The following ASMTL variants were observed in gnomAD, a reference collection of about 807,000 sequenced individuals.
The protein encoded by ASMTL is acetylserotonin O-methyltransferase like.
Under a neutral mutation model 60.3 loss-of-function variants are expected in ASMTL, and 57 were observed. The ratio of observed to expected loss-of-function variants is 0.95; its 90% confidence interval spans 0.76 to 1.18. ASMTL has a LOEUF of 1.18. Among genes scored for constraint, ASMTL ranks in the 50% most tolerant of loss-of-function variants. ASMTL has a pLI of 0.00. For synonymous variants in ASMTL, 419 were observed against 373.0 expected (o/e 1.12, Z -1.42); for missense variants, 981 against 852.6 (o/e 1.15, Z -1.88).
chrX:1,437,837 C>G (rs1256353496), intron 3 of ASMTL, among the ~76,000 whole-genome samples: 1 of 148,714 alleles, frequency 6.7e-6, no homozygotes, highest in Non-Finnish European at 1.5e-5. Flanking sequence ...GCGGAGGTTG[C>G]AATGAGCTGA....
Position 1,422,671 on chromosome X carries a change from C to G in ASMTL, c.1061-829G>C, listed in dbSNP as rs763199911. 8.1e-4 allele frequency among the ~76,000 whole-genome samples: 124 copies of G among 152,176 alleles called. 1 individual carries two copies. The highest frequency in any genetic ancestry group is 2.8e-3 in the African/African-American group (117 of 41,520). On this transcript the variant is annotated intron_variant, in intron 8 of 12. Coordinates refer to ENST00000381317, the MANE Select transcript of ASMTL (RefSeq NM_004192.4). ...ATGGCCTCGCACCACTCCGGTCCTC[C>G]TATGTAAGAAACAGCCCTGTGTTCA... is the stretch of plus-strand genomic sequence containing the variant.
chrX:1,438,817 G>A (rs1451785549), intron 3 of ASMTL, among the ~76,000 whole-genome samples: 1 of 151,764 alleles, frequency 6.6e-6, no homozygotes, highest in Non-Finnish European at 1.5e-5. Context: ...AGTAGAGATG[G>A]GGTTTTACCG....
chrX:1,445,588 T>C (rs1407505066), intron 1 of ASMTL, among the ~76,000 whole-genome samples: 1 of 152,098 alleles, frequency 6.6e-6, no homozygotes, highest in East Asian at 1.9e-4. Context: ...ACCCTCCCTA[T>C]GTCAAGTTGC....
At chrX:1,453,352 C>T, upstream of ASMTL, among the ~76,000 whole-genome samples, 1 of 151,768 alleles carries the variant, frequency 6.6e-6, no homozygotes, top group South Asian at 2.1e-4. Context: ...CGCCCGCCTC[C>T]CCCCCGGGCA....
chrX:1,434,153 C>T (rs1175294840), intron 5 of ASMTL, among the ~76,000 whole-genome samples: 2 of 152,100 alleles, frequency 1.3e-5, no homozygotes, highest in African/African-American at 4.8e-5. Flanking sequence ...GCAGGAAGAA[C>T]CCAGCAATAT....
chrX:1,446,005 T>C (rs1201407836), intron 1 of ASMTL, among the ~76,000 whole-genome samples: 1 of 152,120 alleles, frequency 6.6e-6, no homozygotes, highest in Non-Finnish European at 1.5e-5. Context: ...CCCGCAGTTA[T>C]CCGGAGGCCT....
intron 1 of ASMTL, among the ~76,000 whole-genome samples, chrX:1,444,746 G>A (rs2091198041): frequency 6.6e-6 from 1 of 152,060 alleles, no homozygotes; most frequent in African/African-American, 2.4e-5. Flanking sequence ...GCTGTGGGCA[G>A]CAGCAGCTCA....
intron 1 of ASMTL, among the ~76,000 whole-genome samples, chrX:1,450,056 CTT>C (rs386823205): frequency 1.2e-3 from 179 of 150,596 alleles, no homozygotes; most frequent in Non-Finnish European, 2.1e-3. Context: ...AGTAACTATC[CTT>C]CCATCACCAG....
intron 11 of ASMTL, among the ~76,000 whole-genome samples, chrX:1,415,033 C>A (rs1405202485): frequency 6.9e-6 from 1 of 145,832 alleles, no homozygotes; most frequent in Admixed American, 7.1e-5. Flanking sequence ...CTCCGCCTCC[C>A]GGGTTCAAGC....
intron 5 of ASMTL, among the ~76,000 whole-genome samples, chrX:1,433,150 GAC>G (rs1320711684): frequency 6.6e-5 from 10 of 151,994 alleles, no homozygotes; most frequent in African/African-American, 2.4e-4. Context: ...TCAGGGTCCG[GAC>G]ACAGAGCCCC....
intron 1 of ASMTL, 116 bp downstream of exon 1, chrX:1,452,632 C>G: frequency 1.2e-6 from 1 of 835,398 alleles, no homozygotes; most frequent in Non-Finnish European, 1.8e-6. Context: ...TCCCCCATCC[C>G]TAAGGGTCTC....
intron 12 of ASMTL, among the ~76,000 whole-genome samples, chrX:1,405,762 T>A (rs1250535571): frequency 3.5e-5 from 5 of 142,170 alleles, no homozygotes; most frequent in African/African-American, 1.3e-4. Context: ...AGATGGTAGA[T>A]GATGGGTAGG....
intron 9 of ASMTL, among the ~76,000 whole-genome samples, chrX:1,420,232 A>G (rs1296619276): frequency 6.9e-6 from 1 of 144,218 alleles, no homozygotes; most frequent in Non-Finnish European, 1.5e-5. Context: ...CTATCTCACT[A>G]TCTGTCTCCC....
rs2089658338 is a variant in ASMTL, at chrX:1,403,188, T to C, written c.*81A>G. 3 of 1,147,082 alleles carry C rather than the reference T, an allele frequency of 2.6e-6. No individual in the cohort carries two copies. Among genetic ancestry groups the C allele is most frequent in the Non-Finnish European group, 2.6e-6 (2 of 766,830 alleles). 71.1% of individuals were successfully genotyped at this position (1,147,082 alleles called of 1,614,324 possible). ...TCACGACTACACGCTCCTATGTGAC[T>C]GTCCTATGGTACTTGGGGACCGGGC... On this transcript the variant is annotated 3_prime_UTR_variant, in exon 13 of 13. Transcript: ENST00000381317.
chrX:1,411,806 CTTTTT>C (rs756437483), intron 12 of ASMTL, among the ~76,000 whole-genome samples: 9 of 86,172 alleles, frequency 1.0e-4, no homozygotes, highest in East Asian at 4.1e-4. Context: ...TTAGGATTTT[CTTTTT>C]TTTTTTTTTT....
At chrX:1,415,713 G>A (rs1457699291) in intron 11 of ASMTL, among the ~76,000 whole-genome samples, 15 of 152,140 alleles carry the variant, frequency 9.9e-5, no homozygotes, top group Non-Finnish European at 8.8e-5. Flanking sequence ...GGATCCGCCC[G>A]CCTCAGCCTC....
In ASMTL at chrX:1,432,318, C is replaced by T; in HGVS notation, c.460G>A (p.Glu154Lys). 2 of 1,613,308 alleles carry T rather than the reference C, an allele frequency of 1.2e-6. No homozygotes were observed. The highest frequency in any genetic ancestry group is 1.7e-6 in the Non-Finnish European group (2 of 1,179,780). ...FYEETKVKFS[E>K]LSEELLWEYV... ...TCCCAGAGCAGCTCCTCGGACAGCT[C>T]CGAGAACTTCACCTTCGTTTCCTCG... The change falls in exon 6 of 13, where the codon GAG becomes AAG. Residue 154 changes from glutamate (E) to lysine (K), a missense_variant. Transcript: ENST00000381317.
At chrX:1,445,487 C>A (rs775874241) in intron 1 of ASMTL, among the ~76,000 whole-genome samples, 14 of 152,182 alleles carry the variant, frequency 9.2e-5, no homozygotes, top group African/African-American at 3.1e-4. Flanking sequence ...ATGGCCCGAA[C>A]ATAGCACCTT....
rs1248520517 is a variant in ASMTL, at chrX:1,418,087, C to T, written c.1408G>A (p.Ala470Thr). Residue 470 changes from alanine to threonine, a missense_variant, in exon 11 of 13, where the codon GCC (alanine) becomes ACC (threonine). By Grantham distance (58) the Ala-to-Thr change is moderately conservative. Transcript: ENST00000381317. ...ACCTGCATACGAGGGTACTCACGGG[C>T]CAGCTCTCGGGCCAGTGCACCCGTG... is the stretch of plus-strand genomic sequence containing the variant. ...GCTGALAREL[A>T]REYPRMQVTV... is the part of the protein sequence containing the mutation. The T allele has an allele frequency of 3.1e-6, 5 of 1,611,522 alleles. No homozygotes were observed. The highest frequency in any genetic ancestry group is 1.7e-4 in the Middle Eastern group (1 of 6,026).
Sources: allele counts gnomAD v4.1 joint callset (sites outside exome capture counted in the v4.1 genomes callset), GRCh38; gene constraint gnomAD v4.1.1; transcripts MANE v1.5; gene names NCBI Gene and HGNC (gene_info 2026-07-23, HGNC 2026-07-21).